The following APBA1 variants were observed in gnomAD, a reference collection of about 807,000 sequenced individuals.
APBA1 encodes amyloid beta precursor protein binding family A member 1.
APBA1 carries 55 observed loss-of-function variants against 86.6 expected under a neutral mutation model. The ratio of observed to expected loss-of-function variants is 0.64; its 90% CI spans 0.51 to 0.80. APBA1 has a LOEUF of 0.80. APBA1 is among the 30% of genes least tolerant of loss of function. The pLI is 0.00. For missense variants in APBA1, 1,090 were observed against 1,183.0 expected (o/e 0.92, Z 1.15); for synonymous variants, 511 against 493.9 (o/e 1.03, Z -0.46).
At chr9:69,603,356 A>G (rs1419330462) in intron 1 of APBA1, among the ~76,000 whole-genome samples, 3 of 152,244 alleles carry the variant, frequency 2.0e-5, no homozygotes, top group African/African-American at 7.2e-5. Flanking sequence ...TTTGGAAGAA[A>G]GAATGTGTGT....
chr9:69,486,527 G>C (rs1301471574), intron 2 of APBA1, among the ~76,000 whole-genome samples: 1 of 152,120 alleles, frequency 6.6e-6, no homozygotes, highest in Non-Finnish European at 1.5e-5. Context: ...AGGTGGCCAG[G>C]ATGTTGTTCT....
chr9:69,568,966 T>TGA (rs1448454477), intron 1 of APBA1, among the ~76,000 whole-genome samples: 1 of 152,198 alleles, frequency 6.6e-6, no homozygotes, highest in African/African-American at 2.4e-5. Context: ...CCACAAGAGC[T>TGA]GAGTCTTTGC....
chr9:69,485,673 C>A (rs908759108), intron 2 of APBA1, among the ~76,000 whole-genome samples: 1 of 152,040 alleles, frequency 6.6e-6, no homozygotes, highest in Non-Finnish European at 1.5e-5. Flanking sequence ...GGACACAGTG[C>A]GCAGAGATGA....
intron 10 of APBA1, among the ~76,000 whole-genome samples, chr9:69,446,951 C>T (rs1834919659): frequency 6.6e-6 from 1 of 152,160 alleles, no homozygotes; most frequent in Non-Finnish European, 1.5e-5. Flanking sequence ...GACAAAGTAC[C>T]ACAGACTAGG....
intron 1 of APBA1, among the ~76,000 whole-genome samples, chr9:69,555,837 C>G: frequency 6.6e-6 from 1 of 152,106 alleles, no homozygotes; most frequent in Non-Finnish European, 1.5e-5. Flanking sequence ...ACTGTCATGT[C>G]CTCTGCTCAT....
At chr9:69,668,226 C>T (rs937428857) in intron 1 of APBA1, among the ~76,000 whole-genome samples, 1 of 152,190 alleles carries the variant, frequency 6.6e-6, no homozygotes, top group Non-Finnish European at 1.5e-5. Flanking sequence ...GTATTCTAGT[C>T]CCTTAACTTG....
chr9:69,590,789 G>A (rs886653909), intron 1 of APBA1, among the ~76,000 whole-genome samples: 3 of 152,184 alleles, frequency 2.0e-5, no homozygotes, highest in Non-Finnish European at 4.4e-5. Context: ...CAGGGTGGGG[G>A]TGGGCAGGGG....
chr9:69,475,249 T>C (rs1364229529), intron 3 of APBA1, among the ~76,000 whole-genome samples: 1 of 152,194 alleles, frequency 6.6e-6, no homozygotes, highest in East Asian at 1.9e-4. Context: ...CAGAATTTGT[T>C]GTCCAAAAGG....
chr9:69,451,879 T>C (rs1044411683), intron 9 of APBA1, among the ~76,000 whole-genome samples: 1 of 152,160 alleles, frequency 6.6e-6, no homozygotes, highest in Admixed American at 6.5e-5. Context: ...CACCCAAAAC[T>C]TAGCTCAGGA....
chr9:69,526,349 C>A (rs1396505123), intron 1 of APBA1, among the ~76,000 whole-genome samples: 4 of 152,058 alleles, frequency 2.6e-5, no homozygotes, highest in Non-Finnish European at 5.9e-5. Flanking sequence ...AATCCAGAAT[C>A]TATAAGGAAG....
At chr9:69,470,713 G>A (rs1374747384) in intron 4 of APBA1, among the ~76,000 whole-genome samples, 3 of 152,188 alleles carry the variant, frequency 2.0e-5, no homozygotes, top group Non-Finnish European at 2.9e-5. Flanking sequence ...TCAGAGAGAT[G>A]TCTGGGCGTT....
In APBA1 at chr9:69,431,502, C is replaced by T. The variant is rs935162624; in HGVS notation, c.2443-104G>A. On this transcript the variant is annotated intron_variant, in intron 12 of 12. Coordinates refer to ENST00000265381, the MANE Select transcript of APBA1 (RefSeq NM_001163.4). ...GAGGCAGTGCCTCTCCCACAGAGGGCTTTGAAGATACTCCCTACCGCCCAG... is the reference window on the plus strand; with the variant it reads ...GAGGCAGTGCCTCTCCCACAGAGGGTTTTGAAGATACTCCCTACCGCCCAG... 4 of 981,668 alleles carry T rather than the reference C, an allele frequency of 4.1e-6. No individual in the cohort carries two copies. In the East Asian group the frequency reaches 1.1e-4, roughly 27 times the overall value. The allele number at this position is 981,668 out of a possible 1,614,324, so 60.8% of individuals were successfully genotyped here.
At position 69,658,304 on chromosome 9, in the gene APBA1, C is replaced by CTCTCTTTCTTTCTTTCTT. The variant is rs1362898788; in HGVS notation, c.-70+13848_-70+13849insAAGAAAGAAAGAAAGAGA. Among the ~76,000 whole-genome samples the CTCTCTTTCTTTCTTTCTT allele has an allele frequency of 9.7e-3, 778 of 79,998 alleles. 49 individuals carry two copies. The highest frequency in any genetic ancestry group is 0.018 in the East Asian group (47 of 2,568). The allele number at this position is 79,998 out of a possible 152,430, so 52.5% of individuals were successfully genotyped here. On this transcript the variant is annotated intron_variant, in intron 1 of 12. Transcript: ENST00000265381. ...TCTTTCTCTCTCTCTTTCTCTCTCT[C>CTCTCTTTCTTTCTTTCTT]TCTTTCTTTCTTTCTTTCTTTCTTT...
At chr9:69,613,765 C>T (rs1822639773) in intron 1 of APBA1, among the ~76,000 whole-genome samples, 1 of 152,100 alleles carries the variant, frequency 6.6e-6, no homozygotes, top group Admixed American at 6.6e-5. Flanking sequence ...TACTAATAAC[C>T]ACATATTCCC....
chr9:69,624,428 T>C (rs1822887439), intron 1 of APBA1, among the ~76,000 whole-genome samples: 1 of 152,182 alleles, frequency 6.6e-6, no homozygotes, highest in Admixed American at 6.5e-5. Flanking sequence ...TATTAATTAT[T>C]AAAGAAAGTG....
intron 1 of APBA1, among the ~76,000 whole-genome samples, chr9:69,518,442 A>AT (rs1836201760): frequency 6.6e-6 from 1 of 152,254 alleles, no homozygotes; most frequent in East Asian, 1.9e-4. Context: ...AACAGGTGTA[A>AT]TTTTTTAAAA....
chr9:69,491,057 A>G (rs1431369904), intron 2 of APBA1, among the ~76,000 whole-genome samples: 2 of 152,148 alleles, frequency 1.3e-5, no homozygotes, highest in African/African-American at 4.8e-5. Context: ...CGATTCCTCA[A>G]GGATCTAGAA....
intron 3 of APBA1, among the ~76,000 whole-genome samples, chr9:69,473,416 A>C (rs1835394908): frequency 6.6e-6 from 1 of 152,236 alleles, no homozygotes; most frequent in African/African-American, 2.4e-5. Flanking sequence ...GTCCCAAGTA[A>C]CTATAGCCTG....
chr9:69,617,888 G>A (rs970002581), intron 1 of APBA1, among the ~76,000 whole-genome samples: 1 of 151,998 alleles, frequency 6.6e-6, no homozygotes, highest in African/African-American at 2.4e-5. Context: ...ATCAAGTTTG[G>A]GTGTTTATGG....
Sources: allele counts gnomAD v4.1 joint callset (sites outside exome capture counted in the v4.1 genomes callset), GRCh38; gene constraint gnomAD v4.1.1; transcripts MANE v1.5; gene names NCBI Gene and HGNC (gene_info 2026-07-23, HGNC 2026-07-21).